The following NRCAM variants were observed in gnomAD, a reference collection of about 807,000 sequenced individuals.
NRCAM encodes neuronal cell adhesion molecule.
A neutral mutation model predicts 156.5 loss-of-function variants in NRCAM; 83 were observed. That is an observed-to-expected ratio of 0.53 (90% CI 0.44 to 0.64). The LOEUF is 0.64. NRCAM is among the 30% of genes least tolerant of loss of function. The probability of loss-of-function intolerance (pLI) is 0.00; values close to 1 mark genes in which losing one functional copy is unlikely to be tolerated. For missense variants in NRCAM, 1,417 were observed against 1,597.3 expected (o/e 0.89, Z 1.92); for synonymous variants, 538 against 563.9 (o/e 0.95, Z 0.65).
chr7:108,350,286 A>C (rs1332596868), intron 2 of NRCAM, among the ~76,000 whole-genome samples: 1 of 152,230 alleles, frequency 6.6e-6, no homozygotes, highest in Non-Finnish European at 1.5e-5. Context: ...AGACATTATC[A>C]GTGTTCCTCT....
At chr7:108,347,032 G>GTTTTTTTTT (rs754160030) in intron 2 of NRCAM, among the ~76,000 whole-genome samples, 16 of 83,046 alleles carry the variant, frequency 1.9e-4, no homozygotes, top group Non-Finnish European at 2.3e-4. Context: ...TTATATTTCT[G>GTTTTTTTTT]TTTTTTTTTT....
intron 1 of NRCAM, among the ~76,000 whole-genome samples, chr7:108,404,166 G>A (rs1220583179): frequency 6.6e-6 from 1 of 152,138 alleles, no homozygotes; most frequent in African/African-American, 2.4e-5. Context: ...GGGAGAGCCC[G>A]ATGCACGAGC....
At chr7:108,223,261 C>A (rs983122313) in intron 11 of NRCAM, among the ~76,000 whole-genome samples, 3 of 152,094 alleles carry the variant, frequency 2.0e-5, no homozygotes, top group African/African-American at 7.2e-5. Context: ...CTGAAATTAG[C>A]CGAACCTTGC....
Position 108,345,951 on chromosome 7 carries a change from C to A in NRCAM, c.-173-33220G>T, listed in dbSNP as rs139331239. ...AGAGAGCAGATAAAAGCAAGCCATG[C>A]CAACTGCTGTGGGCTGTAGGAGCCT... On this transcript the variant is annotated intron_variant, in intron 2 of 32. Transcript: ENST00000379028. Among the ~76,000 whole-genome samples, 391 of 152,264 alleles carry A rather than the reference C, an allele frequency of 2.6e-3. 1 individual carries two copies. Among genetic ancestry groups the A allele is most frequent in the African/African-American group, 9.1e-3 (380 of 41,558 alleles).
At chr7:108,268,634 G>GGGGGGGGGGGGA (rs1190448387) in intron 3 of NRCAM, among the ~76,000 whole-genome samples, 2 of 69,198 alleles carry the variant, frequency 2.9e-5, no homozygotes, top group Non-Finnish European at 5.7e-5. Flanking sequence ...GTGGGGGGGG[G>GGGGGGGGGGGGA]TTGGGGGGGG....
At chr7:108,194,874 G>T (rs2074059222) in intron 15 of NRCAM, among the ~76,000 whole-genome samples, 1 of 152,128 alleles carries the variant, frequency 6.6e-6, no homozygotes, top group Non-Finnish European at 1.5e-5. Flanking sequence ...ATCCATCCTA[G>T]CCTTGTCTCT....
At chr7:108,180,188 G>A (rs1178477244) in intron 25 of NRCAM, 35 bp downstream of exon 25, 1 of 1,583,830 alleles carries the variant, frequency 6.3e-7, no homozygotes, top group East Asian at 2.2e-5. Context: ...CATGCCATAT[G>A]TTCCTGAGAT....
intron 16 of NRCAM, 30 bp from the exon 17 acceptor site, chr7:108,194,201 G>A (rs372957518): frequency 5.0e-6 from 8 of 1,611,904 alleles, no homozygotes; most frequent in Non-Finnish European, 5.9e-6. Context: ...TTATCCATTT[G>A]GCAAAGCTGG....
intron 3 of NRCAM, among the ~76,000 whole-genome samples, chr7:108,253,999 G>A (rs1032696963): frequency 2.6e-5 from 4 of 152,126 alleles, no homozygotes; most frequent in Non-Finnish European, 5.9e-5. Flanking sequence ...GCGTCCAGGC[G>A]ATTGTTAATT....
At chr7:108,170,533 A>G (rs2057836460) in intron 28 of NRCAM, among the ~76,000 whole-genome samples, 1 of 152,112 alleles carries the variant, frequency 6.6e-6, no homozygotes, top group South Asian at 2.1e-4. Context: ...TCTCTCACCT[A>G]CCTATGACCT....
intron 1 of NRCAM, among the ~76,000 whole-genome samples, chr7:108,407,173 C>T (rs1201157323): frequency 1.3e-5 from 2 of 152,162 alleles, no homozygotes; most frequent in African/African-American, 4.8e-5. Flanking sequence ...TCATTCAGCA[C>T]ACACTGGTTT....
chr7:108,245,040 T>C (rs1159487653), intron 3 of NRCAM, among the ~76,000 whole-genome samples: 2 of 152,158 alleles, frequency 1.3e-5, no homozygotes, highest in East Asian at 3.8e-4. Context: ...CAGCGATGAG[T>C]CTCCTCCAGG....
At chr7:108,430,450 G>T (rs1302602322) in intron 1 of NRCAM, among the ~76,000 whole-genome samples, 2 of 152,168 alleles carry the variant, frequency 1.3e-5, no homozygotes, top group Non-Finnish European at 2.9e-5. Context: ...TAGATTAGAT[G>T]TAGGGTATGG....
Position 108,150,073 on chromosome 7 carries a change from C to T in NRCAM, c.3752G>A (p.Ser1251Asn). Residue 1251 changes from serine to asparagine, a missense_variant, in exon 33 of 33, where the codon AGT (serine) becomes AAT (asparagine). By Grantham distance (46) the Ser-to-Asn change is conservative. This residue lies in a region of NRCAM where 179 missense variants were observed against 260.9 expected (regional missense o/e 0.69). Transcript: ENST00000379028. Reference sequence around the variant, plus strand: ...TCCATAGTCAACTAGGCTGTCGTCACTATCTTCTTTTTTCACAGTCCTGTC... The same window carrying T: ...TCCATAGTCAACTAGGCTGTCGTCATTATCTTCTTTTTTCACAGTCCTGTC... ...PSDRTVKKED[S>N]DDSLVDYGEG... The T allele has an allele frequency of 6.2e-7, 1 of 1,614,100 alleles. No individual in the cohort carries two copies.
intron 13 of NRCAM, among the ~76,000 whole-genome samples, chr7:108,204,659 CA>C (rs1188773893): frequency 1.3e-5 from 2 of 152,200 alleles, no homozygotes; most frequent in African/African-American, 2.4e-5. Context: ...CCTGCACGTC[CA>C]CTAGAGTGAC....
chr7:108,238,516 T>C (rs2095292674), intron 4 of NRCAM, among the ~76,000 whole-genome samples: 3 of 152,308 alleles, frequency 2.0e-5, no homozygotes, highest in Non-Finnish European at 1.5e-5. Flanking sequence ...CCTGGGTTTT[T>C]CTGTGACTTT....
intron 7 of NRCAM, 46 bp downstream of exon 7, chr7:108,232,280 G>T: frequency 7.2e-7 from 1 of 1,379,796 alleles, no homozygotes; most frequent in Non-Finnish European, 1.0e-6. Context: ...GAGTCTTGGA[G>T]CAATACTTTA....
At chr7:108,157,591 C>A (rs1404037713) in intron 32 of NRCAM, among the ~76,000 whole-genome samples, 2 of 152,068 alleles carry the variant, frequency 1.3e-5, no homozygotes. Flanking sequence ...CCAGGGGGTA[C>A]ATGTGCAAGT....
At chr7:108,267,492 G>A (rs2097151559) in intron 3 of NRCAM, among the ~76,000 whole-genome samples, 1 of 152,132 alleles carries the variant, frequency 6.6e-6, no homozygotes, top group Non-Finnish European at 1.5e-5. Flanking sequence ...AAATAATGAT[G>A]TTTGATTACA....
Sources: gnomAD v4.1 joint callset for allele counts (sites outside exome capture counted in the v4.1 genomes callset) on GRCh38, gnomAD v4.1.1 for gene constraint, gnomAD v4.1.1 regional missense constraint, MANE v1.5 for transcripts, NCBI Gene and HGNC (gene_info 2026-07-23, HGNC 2026-07-21) for gene names.